The following KLHDC1 variants were observed in gnomAD, a reference collection of about 807,000 sequenced individuals.
KLHDC1 encodes kelch domain containing 1, also known as kelch domain-containing protein 1.
Under a neutral mutation model 68.3 loss-of-function variants are expected in KLHDC1, and 53 were observed. The observed-to-expected ratio is 0.78, with a 90% confidence interval of 0.62 to 0.98. KLHDC1 has a LOEUF of 0.98. KLHDC1 is among the 50% of genes least tolerant of loss of function. KLHDC1 has a pLI of 0.00. For synonymous variants in KLHDC1, 148 were observed against 159.0 expected, an observed-to-expected ratio of 0.93 and a Z score of 0.52; for missense variants, 470 against 492.3, an observed-to-expected ratio of 0.95 and a Z score of 0.43.
At chr14:49,713,826 A>T (rs1316042052) in intron 4 of KLHDC1, among the ~76,000 whole-genome samples, 1 of 2,030 alleles carries the variant, frequency 4.9e-4, no homozygotes, top group African/African-American at 7.9e-4. Context: ...ATATATATAT[A>T]TATATATATA....
chr14:49,703,727 C>A (rs1018270505), intron 1 of KLHDC1, among the ~76,000 whole-genome samples: 2 of 152,140 alleles, frequency 1.3e-5, no homozygotes, highest in African/African-American at 4.8e-5. Flanking sequence ...TGTTTGGCAT[C>A]TATTCTGATT....
intron 1 of KLHDC1, among the ~76,000 whole-genome samples, chr14:49,705,361 C>CTTTTTTTTTTTTTTTTTTT (rs1334189965): frequency 2.8e-5 from 1 of 35,306 alleles, no homozygotes; most frequent in African/African-American, 7.4e-5. Flanking sequence ...ATATTTCTTT[C>CTTTTTTTTTTTTTTTTTTT]TTTCTTTTTT....
intron 1 of KLHDC1, among the ~76,000 whole-genome samples, chr14:49,704,769 G>A (rs1277810499): frequency 6.6e-6 from 1 of 151,920 alleles, no homozygotes; most frequent in African/African-American, 2.4e-5. Flanking sequence ...TTTTTGAAAG[G>A]TGAGATGAGA....
At chr14:49,694,546 T>C (rs1887676639) in intron 1 of KLHDC1, among the ~76,000 whole-genome samples, 1 of 151,982 alleles carries the variant, frequency 6.6e-6, no homozygotes, top group Non-Finnish European at 1.5e-5. Context: ...AATAGTATTA[T>C]GTGTAAAAAA....
Position 49,709,742 on chromosome 14 carries a change from C to G in KLHDC1, c.201C>G (p.Ala67=). 1 of 1,602,096 alleles carries G rather than the reference C, an allele frequency of 6.2e-7. No homozygotes were observed. Among genetic ancestry groups the G allele is most frequent in the Non-Finnish European group, 8.5e-7 (1 of 1,174,746 alleles). The part of the protein sequence containing the change: ...RMHLMEGELP[A]SMSGSCGACI... Reference sequence around the variant, plus strand: ...ACCTCATGGAAGGAGAACTCCCAGCCTCCATGTCAGGAAGCTGTGGTGCTT... The same window carrying G: ...ACCTCATGGAAGGAGAACTCCCAGCGTCCATGTCAGGAAGCTGTGGTGCTT... The change falls in exon 3 of 13, where the codon GCC becomes GCG. Residue 67 remains alanine, a synonymous_variant. Transcript: ENST00000359332.
intron 4 of KLHDC1, among the ~76,000 whole-genome samples, chr14:49,713,074 C>T (rs572521461): frequency 1.5e-4 from 23 of 151,832 alleles, no homozygotes; most frequent in Non-Finnish European, 3.1e-4. Flanking sequence ...CTCAGCCTCC[C>T]GAGTAGCTGG....
chr14:49,708,070 CTTTT>C (rs11291588), intron 1 of KLHDC1, among the ~76,000 whole-genome samples: 4 of 103,126 alleles, frequency 3.9e-5, no homozygotes, highest in Admixed American at 1.0e-4. Flanking sequence ...AAAACTCTAG[CTTTT>C]TTTTTTTTTT....
chr14:49,725,710 CATA>C lies in KLHDC1; in HGVS notation c.511_513del (p.Asn171del). 7.0e-7 allele frequency: 1 copy of C among 1,437,248 alleles called. No homozygotes were observed. Among genetic ancestry groups the C allele is most frequent in the Non-Finnish European group, 9.2e-7 (1 of 1,087,298 alleles). The allele number at this position is 1,437,248 out of a possible 1,614,324, so 89.0% of individuals were successfully genotyped here. On this transcript the variant is annotated inframe_deletion, in exon 6 of 13. Transcript: ENST00000359332. Reference sequence around the variant, plus strand: ...GGAAGAGCAGATATTCTGGGGATGGCATAATGATGTCCACATATTTGACACAAA... The same window carrying C: ...GGAAGAGCAGATATTCTGGGGATGGCATGATGTCCACATATTTGACACAAA...
chr14:49,716,533 G>A (rs1322458422), intron 4 of KLHDC1, among the ~76,000 whole-genome samples: 1 of 151,962 alleles, frequency 6.6e-6, no homozygotes, highest in Non-Finnish European at 1.5e-5. Flanking sequence ...ACAGGTGCCT[G>A]CAACCATGCC....
intron 12 of KLHDC1, 150 bp from the exon 13 acceptor site, chr14:49,751,436 C>G (rs1457142297): frequency 5.3e-6 from 2 of 379,314 alleles, no homozygotes; most frequent in Non-Finnish European, 9.3e-6. Flanking sequence ...ATATATGTAC[C>G]TACTATGTAC....
intron 4 of KLHDC1, among the ~76,000 whole-genome samples, chr14:49,713,448 T>C (rs1297083319): frequency 6.6e-6 from 1 of 152,188 alleles, no homozygotes; most frequent in Non-Finnish European, 1.5e-5. Flanking sequence ...TAACTGTTTA[T>C]TAACCCTAAG....
intron 4 of KLHDC1, among the ~76,000 whole-genome samples, chr14:49,715,674 G>A (rs1299772552): frequency 3.4e-5 from 5 of 146,356 alleles, no homozygotes; most frequent in Non-Finnish European, 7.5e-5. Context: ...GAACCTGGGA[G>A]GCGGAGGTTG....
chr14:49,729,553 G>A lies in KLHDC1; in HGVS notation c.710+5G>A. 1 of 1,588,356 alleles carries A rather than the reference G, an allele frequency of 6.3e-7. No individual in the cohort carries two copies. The highest frequency in any genetic ancestry group is 8.6e-7 in the Non-Finnish European group (1 of 1,157,240). ...CACCTGGACTTGGTCTGGAAGGTAA[G>A]TTTGAAGTCTAAGTACGTTTTAATC... On this transcript the variant is annotated splice_donor_5th_base_variant and intron_variant, in intron 8 of 12. Transcript: ENST00000359332.
At chr14:49,713,821 TA>T (rs1566602786) in intron 4 of KLHDC1, among the ~76,000 whole-genome samples, 89 of 3,164 alleles carry the variant, frequency 0.028, 6 homozygotes, top group African/African-American at 0.042. Flanking sequence ...TATATATATA[TA>T]TATATATATA....
intron 4 of KLHDC1, among the ~76,000 whole-genome samples, chr14:49,721,875 C>G (rs542060055): frequency 6.6e-6 from 1 of 152,188 alleles, no homozygotes; most frequent in African/African-American, 2.4e-5. Context: ...TTCAGCCTTG[C>G]ATCTCCTCCC....
intron 1 of KLHDC1, among the ~76,000 whole-genome samples, chr14:49,694,159 T>C (rs1309958871): frequency 6.6e-6 from 1 of 152,180 alleles, no homozygotes; most frequent in African/African-American, 2.4e-5. Context: ...TAAGAAATAT[T>C]ATGCTTTAAA....
At chr14:49,735,963 T>C (rs935270166) in intron 10 of KLHDC1, among the ~76,000 whole-genome samples, 1 of 152,038 alleles carries the variant, frequency 6.6e-6, no homozygotes, top group Non-Finnish European at 1.5e-5. Flanking sequence ...TGCAGTGAGC[T>C]GAGATTGTGC....
intron 9 of KLHDC1, among the ~76,000 whole-genome samples, chr14:49,733,374 G>A (rs1020582896): frequency 4.6e-5 from 7 of 151,826 alleles, no homozygotes; most frequent in East Asian, 1.9e-4. Flanking sequence ...AGATGACCAC[G>A]AATATTGACT....
intron 1 of KLHDC1, among the ~76,000 whole-genome samples, chr14:49,707,011 G>A (rs1379371484): frequency 6.6e-6 from 1 of 152,052 alleles, no homozygotes; most frequent in Non-Finnish European, 1.5e-5. Context: ...GTCCATTTTT[G>A]CTTTGGTGGC....
Sources: allele counts gnomAD v4.1 joint callset (sites outside exome capture counted in the v4.1 genomes callset), GRCh38; gene constraint gnomAD v4.1.1; transcripts MANE v1.5; gene names NCBI Gene and HGNC (gene_info 2026-07-23, HGNC 2026-07-21).